Variants in PIK3CD observed in about 807,000 individuals in gnomAD.
The protein encoded by PIK3CD is phosphatidylinositol 4,5-bisphosphate 3-kinase catalytic subunit delta isoform.
In PIK3CD, 20 loss-of-function variants were observed where a neutral mutation model predicts 122.9. That is an observed-to-expected ratio of 0.16 (90% confidence interval 0.11 to 0.24). PIK3CD has a LOEUF of 0.24. PIK3CD is among the 10% of genes least tolerant of loss of function. PIK3CD has a pLI of 1.00. For synonymous variants in PIK3CD, 596 were observed against 593.4 expected (o/e 1.00, Z -0.06); for missense variants, 787 against 1,406.3 (o/e 0.56, Z 7.04).
At chr1:9,648,807 A>G (rs1644630373), upstream of PIK3CD, among the ~76,000 whole-genome samples, 1 of 152,230 alleles carries the variant, frequency 6.6e-6, no homozygotes, top group Admixed American at 6.5e-5. Context: ...TGCATCTTAG[A>G]AAACCTGGAC....
chr1:9,642,919 C>A, the PIK3CD span, among the ~76,000 whole-genome samples: 2 of 149,768 alleles, frequency 1.3e-5, no homozygotes, highest in African/African-American at 2.5e-5. Flanking sequence ...AGCGAGACCT[C>A]GTCTCCAAAA....
intron 1 of PIK3CD, among the ~76,000 whole-genome samples, chr1:9,685,400 C>A (rs1645928228): frequency 1.3e-5 from 2 of 151,862 alleles, no homozygotes; most frequent in African/African-American, 4.8e-5. Flanking sequence ...GCTCTGTTGC[C>A]CAGGCTGGAG....
At chr1:9,667,109 T>C (rs6700217) in intron 1 of PIK3CD, among the ~76,000 whole-genome samples, 101,969 of 152,038 alleles carry the variant, frequency 0.67, 36,445 homozygotes, top group East Asian at 1. Flanking sequence ...GGTAATCTGC[T>C]CGCCTCTGCC....
At position 9,727,127 on chromosome 1, in the gene PIK3CD, G is replaced by A; in HGVS notation, c.*81G>A. 2.0e-6 allele frequency: 3 copies of A among 1,517,998 alleles called. No individual in the cohort carries two copies. The highest frequency in any genetic ancestry group is 2.7e-6 in the Non-Finnish European group (3 of 1,096,790). 94.0% of individuals were successfully genotyped at this position (1,517,998 alleles called of 1,614,324 possible). On this transcript the variant is annotated 3_prime_UTR_variant, in exon 24 of 24. Transcript: ENST00000377346. ...GCACATTGGTCCTAAAGGGGCTGAA[G>A]AGCCTGAACTGCACCTAACGGGAAA...
Position 9,724,196 on chromosome 1 carries a change from C to T in PIK3CD, c.2719-80C>T, listed in dbSNP as rs1649132284. ...AGCTCTGTGGCAGGGGTCCCCCAGC[C>T]CTGCTGGCTTCCTGTCTCCCCTGGA... On this transcript the variant is annotated intron_variant, in intron 21 of 23. Transcript: ENST00000377346. The surrounding 1 kb of genome is among the most constrained non-coding windows in gnomAD (Gnocchi z 7.3). 7 of 1,613,034 alleles carry T rather than the reference C, an allele frequency of 4.3e-6. No individual in the cohort carries two copies. In the East Asian group the frequency reaches 1.3e-4, roughly 31 times the overall value.
chr1:9,684,158 A>G (rs561538330), intron 1 of PIK3CD, among the ~76,000 whole-genome samples: 1 of 152,146 alleles, frequency 6.6e-6, no homozygotes, highest in African/African-American at 2.4e-5. Context: ...TAGATTTAAG[A>G]GGAGGGGACA....
At chr1:9,660,165 G>C (rs1644970791) in intron 1 of PIK3CD, among the ~76,000 whole-genome samples, 1 of 152,214 alleles carries the variant, frequency 6.6e-6, no homozygotes, top group Admixed American at 6.6e-5. Context: ...TGCTCGCTCG[G>C]CCTCCCAAAG....
intron 1 of PIK3CD, among the ~76,000 whole-genome samples, chr1:9,688,909 C>G (rs922682374): frequency 6.6e-6 from 1 of 151,970 alleles, no homozygotes; most frequent in African/African-American, 2.4e-5. Flanking sequence ...GCACGCACAC[C>G]GCCCGTTGTA....
At chr1:9,631,979 CCCTCCCTT>C in the PIK3CD span, among the ~76,000 whole-genome samples, 1 of 148,072 alleles carries the variant, frequency 6.8e-6, no homozygotes, top group African/African-American at 2.5e-5. Flanking sequence ...CTCCCTCCCT[CCCTCCCTT>C]CCTTCCTTCT....
At chr1:9,714,637 C>G (rs191425419) in intron 3 of PIK3CD, among the ~76,000 whole-genome samples, 1 of 152,284 alleles carries the variant, frequency 6.6e-6, no homozygotes, top group East Asian at 1.9e-4. Flanking sequence ...AGTCCCTAGA[C>G]TGTCACAGCT....
At position 9,719,495 on chromosome 1, in the gene PIK3CD, C is replaced by T. The variant is rs557395623; in HGVS notation, c.1243-426C>T. 1.3e-5 allele frequency among the ~76,000 whole-genome samples: 2 copies of T among 152,248 alleles called. No individual in the cohort carries two copies. The highest frequency in any genetic ancestry group is 4.1e-4 in the South Asian group (2 of 4,826). ...CCAATATGGTGAAACCCTGTCTCTACTGAAAATACAAAAAAATTAGCCGGG... is the reference window on the plus strand; with the variant it reads ...CCAATATGGTGAAACCCTGTCTCTATTGAAAATACAAAAAAATTAGCCGGG... On this transcript the variant is annotated intron_variant, in intron 9 of 23. Transcript: ENST00000377346. The surrounding 1 kb of genome is among the most constrained non-coding windows in gnomAD (Gnocchi z 5.5).
At chr1:9,664,765 A>G (rs1645109606) in intron 1 of PIK3CD, among the ~76,000 whole-genome samples, 1 of 152,144 alleles carries the variant, frequency 6.6e-6, no homozygotes, top group African/African-American at 2.4e-5. Flanking sequence ...TCATGTGAGT[A>G]TCTCCTCCTT....
intron 1 of PIK3CD, among the ~76,000 whole-genome samples, chr1:9,676,460 C>T (rs541219877): frequency 1.3e-5 from 2 of 152,366 alleles, no homozygotes; most frequent in Non-Finnish European, 2.9e-5. Flanking sequence ...AGCTCTGGTG[C>T]CTGGCCCTTC....
chr1:9,717,447 C>G lies in PIK3CD; in HGVS notation c.931-90C>G. The G allele has an allele frequency of 7.9e-7, 1 of 1,272,490 alleles. No individual in the cohort carries two copies. The highest frequency in any genetic ancestry group is 1.1e-6 in the Non-Finnish European group (1 of 871,498). The allele number at this position is 1,272,490 out of a possible 1,614,324, so 78.8% of individuals were successfully genotyped here. On this transcript the variant is annotated intron_variant, in intron 7 of 23. Transcript: ENST00000377346. This position sits in a 1 kb window ranked among gnomAD's most constrained non-coding sequence, Gnocchi z 5.4. Reference sequence around the variant, plus strand: ...GCCGCAAACCTGTGACCCTCTCACCCGCCCCCAAGTGGTCACGGGCCTCAC... The same window carrying G: ...GCCGCAAACCTGTGACCCTCTCACCGGCCCCCAAGTGGTCACGGGCCTCAC...
chr1:9,706,162 C>T (rs1477743045), intron 2 of PIK3CD, among the ~76,000 whole-genome samples: 3 of 142,604 alleles, frequency 2.1e-5, no homozygotes, highest in Non-Finnish European at 4.5e-5. Context: ...GCTGGGATTA[C>T]AGGCATGAGC....
chr1:9,726,555 G>A (rs1284142262), intron 23 of PIK3CD, among the ~76,000 whole-genome samples: 2 of 152,010 alleles, frequency 1.3e-5, no homozygotes, highest in Non-Finnish European at 2.9e-5. Context: ...TCCTTCTTGT[G>A]TCCTCTCCAT....
At chr1:9,706,308 T>C (rs903059373) in intron 2 of PIK3CD, among the ~76,000 whole-genome samples, 2 of 146,278 alleles carry the variant, frequency 1.4e-5, no homozygotes, top group African/African-American at 5.1e-5. Flanking sequence ...CTGGGCAACA[T>C]AGCAAGACCC....
In PIK3CD at chr1:9,717,517, C is replaced by T; in HGVS notation, c.931-20C>T. The T allele has an allele frequency of 6.2e-7, 1 of 1,611,894 alleles. No homozygotes were observed. The highest frequency in any genetic ancestry group is 8.5e-7 in the Non-Finnish European group (1 of 1,178,206). ...CTGCACTTTGAGCCGTGTTAACAGC[C>T]CTGCTTCCCCGGCCCCCAGCCTTCC... is the stretch of plus-strand genomic sequence containing the variant. On this transcript the variant is annotated intron_variant, in intron 7 of 23. Coordinates refer to ENST00000377346, the MANE Select transcript of PIK3CD (RefSeq NM_005026.5). The surrounding 1 kb of genome is among the most constrained non-coding windows in gnomAD (Gnocchi z 5.4).
At chr1:9,684,557 A>G (rs1645892490) in intron 1 of PIK3CD, among the ~76,000 whole-genome samples, 2 of 151,026 alleles carry the variant, frequency 1.3e-5, no homozygotes, top group African/African-American at 4.9e-5. Context: ...AAAAAAGAAA[A>G]AAGAAAGAGC....
Sources: gnomAD v4.1 joint callset for allele counts (sites outside exome capture counted in the v4.1 genomes callset) on GRCh38, gnomAD v4.1.1 for gene constraint, Gnocchi (gnomAD v3.1) non-coding constraint, MANE v1.5 for transcripts, NCBI Gene and HGNC (gene_info 2026-07-23, HGNC 2026-07-21) for gene names.